CTNND2: variants seen among roughly 807,000 people sequenced by gnomAD.
CTNND2 encodes the protein catenin delta 2, also known as catenin delta-2.
In CTNND2, 22 loss-of-function variants were observed where a neutral mutation model predicts 144.4. The observed-to-expected ratio is 0.15, with a 90% CI of 0.11 to 0.22. The LOEUF (loss-of-function observed/expected upper bound fraction) is 0.22. Among genes scored for constraint, CTNND2 ranks in the 10% least tolerant of loss-of-function variants. The probability of loss-of-function intolerance (pLI) is 1.00; values close to 1 mark genes in which losing one functional copy is unlikely to be tolerated. For synonymous variants in CTNND2, 751 were observed against 695.6 expected (o/e 1.08, Z -1.25); for missense variants, 1,353 against 1,618.8 (o/e 0.84, Z 2.82).
At chr5:11,351,676 G>A (rs1755354723) in intron 8 of CTNND2, among the ~76,000 whole-genome samples, 1 of 152,024 alleles carries the variant, frequency 6.6e-6, no homozygotes, top group African/African-American at 2.4e-5. Flanking sequence ...TGGGCACACA[G>A]TTACAGAAAC....
At chr5:11,713,583 C>CA (rs1165519277) in intron 2 of CTNND2, among the ~76,000 whole-genome samples, 14,252 of 56,962 alleles carry the variant, frequency 0.25, 1,922 homozygotes, top group East Asian at 0.3. Flanking sequence ...GACTCCATCT[C>CA]AAAAAAAAAA....
At chr5:11,646,254 T>C (rs370545830) in intron 2 of CTNND2, among the ~76,000 whole-genome samples, 2 of 152,174 alleles carry the variant, frequency 1.3e-5, no homozygotes, top group African/African-American at 4.8e-5. Flanking sequence ...TAGAGTCTTA[T>C]GTGTATCATC....
In CTNND2 at chr5:11,691,138, G is replaced by A. The variant is rs1458464613; in HGVS notation, c.174+40998C>T. On this transcript the variant is annotated intron_variant, in intron 2 of 21. Coordinates refer to ENST00000304623, the MANE Select transcript of CTNND2 (RefSeq NM_001332.4). ...TGTAATCCCAGCACTTCGGGAGGCC[G>A]AGGCGGGTGGATCACAAGGTCAGGA... Among the ~76,000 whole-genome samples the A allele has an allele frequency of 1.7e-4, 26 of 152,250 alleles. No homozygotes were observed. In the East Asian group the frequency reaches 1.9e-3, roughly 11 times the overall value.
chr5:11,877,574 T>C (rs924734684), intron 1 of CTNND2, among the ~76,000 whole-genome samples: 1 of 152,176 alleles, frequency 6.6e-6, no homozygotes, highest in African/African-American at 2.4e-5. Flanking sequence ...AATATTTGAA[T>C]ACGCTTGAAG....
At chr5:11,606,760 C>G (rs1217679512) in intron 2 of CTNND2, among the ~76,000 whole-genome samples, 1 of 152,030 alleles carries the variant, frequency 6.6e-6, no homozygotes, top group East Asian at 1.9e-4. Context: ...CCTATATGGA[C>G]AGATAAACAG....
intron 2 of CTNND2, among the ~76,000 whole-genome samples, chr5:11,591,103 C>G (rs1779215150): frequency 6.6e-6 from 1 of 152,202 alleles, no homozygotes. Flanking sequence ...ACCTGCAAGG[C>G]AGACAAATGT....
At chr5:11,835,367 C>T (rs1478319730) in intron 1 of CTNND2, among the ~76,000 whole-genome samples, 1 of 152,142 alleles carries the variant, frequency 6.6e-6, no homozygotes, top group Non-Finnish European at 1.5e-5. Flanking sequence ...CAAAAGCATA[C>T]ACTATTCAGG....
intron 18 of CTNND2, among the ~76,000 whole-genome samples, chr5:10,998,935 C>T (rs1739636373): frequency 6.6e-6 from 1 of 152,114 alleles, no homozygotes; most frequent in Non-Finnish European, 1.5e-5. Context: ...AGTCCTGTAA[C>T]CAATTTCCCA....
At chr5:11,225,768 T>C (rs1740266945) in intron 10 of CTNND2, among the ~76,000 whole-genome samples, 1 of 152,190 alleles carries the variant, frequency 6.6e-6, no homozygotes, top group Non-Finnish European at 1.5e-5. Context: ...TTGTTATAGG[T>C]TGAATATCGT....
chr5:11,809,134 T>C (rs1463312234), intron 1 of CTNND2, among the ~76,000 whole-genome samples: 1 of 152,166 alleles, frequency 6.6e-6, no homozygotes, highest in African/African-American at 2.4e-5. Flanking sequence ...GGATGACAAA[T>C]GTGGATGTTT....
chr5:11,033,460 A>C (rs1397088466), intron 16 of CTNND2, among the ~76,000 whole-genome samples: 1 of 152,212 alleles, frequency 6.6e-6, no homozygotes, highest in East Asian at 1.9e-4. Context: ...TGTATATGTA[A>C]TTACAACAAG....
At position 11,708,840 on chromosome 5, in the gene CTNND2, C is replaced by T. The variant is rs539885759; in HGVS notation, c.174+23296G>A. Reference sequence around the variant, plus strand: ...CTTCCCTTTGTTGTCAGCCCCCTCCCGTGACCCACAGGCATCCACTGATGG... The same window carrying T: ...CTTCCCTTTGTTGTCAGCCCCCTCCTGTGACCCACAGGCATCCACTGATGG... On this transcript the variant is annotated intron_variant, in intron 2 of 21. Coordinates refer to ENST00000304623, the MANE Select transcript of CTNND2 (RefSeq NM_001332.4). 1.5e-4 allele frequency among the ~76,000 whole-genome samples: 23 copies of T among 152,248 alleles called. No individual in the cohort carries two copies. In the East Asian group the frequency reaches 3.3e-3, roughly 22 times the overall value.
At chr5:11,845,308 T>G (rs1253327226) in intron 1 of CTNND2, among the ~76,000 whole-genome samples, 1 of 152,210 alleles carries the variant, frequency 6.6e-6, no homozygotes, top group Non-Finnish European at 1.5e-5. Flanking sequence ...AATGAAAAAG[T>G]AAATCTCATC....
At chr5:11,700,490 A>G (rs1276247781) in intron 2 of CTNND2, among the ~76,000 whole-genome samples, 1 of 152,194 alleles carries the variant, frequency 6.6e-6, no homozygotes, top group African/African-American at 2.4e-5. Context: ...TCAATGACTT[A>G]AAGAATCAAA....
At position 10,972,765 on chromosome 5, in the gene CTNND2, C is replaced by G. The variant is rs1221453922; in HGVS notation, c.*688G>C. The G allele has an allele frequency of 6.7e-6, 1 of 150,306 alleles. No homozygotes were observed. 9.3% of individuals were successfully genotyped at this position (150,306 alleles called of 1,614,324 possible). On this transcript the variant is annotated 3_prime_UTR_variant, in exon 22 of 22. Coordinates refer to ENST00000304623, the MANE Select transcript of CTNND2 (RefSeq NM_001332.4). ...GAACGAACAATACTGCTAAATATTC[C>G]TTTTTTCCTGCTTTTTTTTTTTTTT...
intron 3 of CTNND2, among the ~76,000 whole-genome samples, chr5:11,500,182 T>C (rs1478469253): frequency 6.6e-6 from 1 of 152,154 alleles, no homozygotes; most frequent in African/African-American, 2.4e-5. Context: ...TATGCCTGCA[T>C]ATTATCCTAT....
intron 1 of CTNND2, among the ~76,000 whole-genome samples, chr5:11,812,265 T>C (rs1792376733): frequency 6.6e-6 from 1 of 152,208 alleles, no homozygotes; most frequent in South Asian, 2.1e-4. Context: ...TTTCCAGCTC[T>C]ATTTTTAATC....
intron 16 of CTNND2, among the ~76,000 whole-genome samples, chr5:11,032,595 A>T (rs931108967): frequency 6.6e-6 from 1 of 152,206 alleles, no homozygotes; most frequent in African/African-American, 2.4e-5. Context: ...GATTGTCCGG[A>T]GATCTCTGAC....
chr5:11,597,714 C>G (rs913157969), intron 2 of CTNND2, among the ~76,000 whole-genome samples: 1 of 152,034 alleles, frequency 6.6e-6, no homozygotes, highest in African/African-American at 2.4e-5. Context: ...GATGGGACTA[C>G]AGGTGTGGTC....
Sources: gnomAD v4.1 joint callset for allele counts (sites outside exome capture counted in the v4.1 genomes callset) on GRCh38, gnomAD v4.1.1 for gene constraint, MANE v1.5 for transcripts, NCBI Gene and HGNC (gene_info 2026-07-23, HGNC 2026-07-21) for gene names.